Variants in KCNT2 observed in about 807,000 individuals in gnomAD.
KCNT2 encodes the protein potassium sodium-activated channel subfamily T member 2.
In KCNT2, 67 loss-of-function variants were observed where a neutral mutation model predicts 153.8. The observed-to-expected ratio is 0.44, with a 90% CI of 0.36 to 0.53. KCNT2 has a LOEUF of 0.53. Among genes scored for constraint, KCNT2 ranks in the 20% least tolerant of loss-of-function variants. The pLI, the probability that KCNT2 is intolerant of heterozygous loss-of-function variation, is 0.00. For missense variants in KCNT2, 975 were observed against 1,354.8 expected, an observed-to-expected ratio of 0.72 and a Z score of 4.40; for synonymous variants, 500 against 458.8, an observed-to-expected ratio of 1.09 and a Z score of -1.15.
intron 1 of KCNT2, among the ~76,000 whole-genome samples, chr1:196,493,051 C>T (rs1679975352): frequency 6.6e-6 from 1 of 152,080 alleles, no homozygotes; most frequent in Non-Finnish European, 1.5e-5. Flanking sequence ...TTAATAAATA[C>T]TCTAAATTCT....
intron 11 of KCNT2, among the ~76,000 whole-genome samples, chr1:196,424,629 C>T (rs938405387): frequency 6.6e-6 from 1 of 151,572 alleles, no homozygotes; most frequent in Non-Finnish European, 1.5e-5. Flanking sequence ...ATGTAATTTT[C>T]CAATTAGATA....
intron 21 of KCNT2, among the ~76,000 whole-genome samples, chr1:196,308,285 C>T (rs1661830186): frequency 6.6e-6 from 1 of 151,894 alleles, no homozygotes; most frequent in African/African-American, 2.4e-5. Context: ...TCTTGTGTTT[C>T]CATCTGTATC....
chr1:196,347,234 T>A lies in KCNT2; in HGVS notation c.1404-5006A>T, dbSNP rs994550681. 2.0e-5 allele frequency among the ~76,000 whole-genome samples: 3 copies of A among 152,184 alleles called. No individual in the cohort carries two copies. The South Asian group carries it at 6.2e-4, about 31-fold the overall frequency. ...TGCAGGACATTTTACATCCTATAGA[T>A]CTATCTAAAAATCATTAATTTGTCT... On this transcript the variant is annotated intron_variant, in intron 14 of 27. Coordinates refer to ENST00000294725, the MANE Select transcript of KCNT2 (RefSeq NM_198503.5).
chr1:196,292,532 C>A (rs1333687622), intron 22 of KCNT2, among the ~76,000 whole-genome samples: 1 of 152,174 alleles, frequency 6.6e-6, no homozygotes, highest in Non-Finnish European at 1.5e-5. Flanking sequence ...AGTGGCCGGG[C>A]GCAGTGGCTC....
intron 13 of KCNT2, among the ~76,000 whole-genome samples, chr1:196,374,615 A>C (rs574686432): frequency 1.3e-5 from 2 of 151,942 alleles, no homozygotes; most frequent in Admixed American, 1.3e-4. Flanking sequence ...GCTTTGCAGG[A>C]AAGGCAAGCA....
intron 8 of KCNT2, among the ~76,000 whole-genome samples, chr1:196,450,966 C>A (rs574582206): frequency 5.3e-5 from 8 of 151,842 alleles, no homozygotes; most frequent in African/African-American, 1.9e-4. Context: ...AGAGCAATTC[C>A]CTGAACACCC....
At chr1:196,261,671 G>T (rs1290195297) in intron 25 of KCNT2, among the ~76,000 whole-genome samples, 1 of 151,900 alleles carries the variant, frequency 6.6e-6, no homozygotes. Context: ...TGGCTGTAAA[G>T]ATTTCTTGGT....
At chr1:196,549,094 T>C (rs1470177609) in intron 1 of KCNT2, among the ~76,000 whole-genome samples, 1 of 152,064 alleles carries the variant, frequency 6.6e-6, no homozygotes, top group Non-Finnish European at 1.5e-5. Flanking sequence ...GCATGGCACA[T>C]GTATACATAT....
chr1:196,541,840 C>A (rs2148874768), intron 1 of KCNT2, among the ~76,000 whole-genome samples: 1 of 152,038 alleles, frequency 6.6e-6, no homozygotes, highest in Non-Finnish European at 1.5e-5. Flanking sequence ...TCCAATGCAC[C>A]ATTATATATT....
chr1:196,290,637 T>A lies in KCNT2; in HGVS notation c.2596-4879A>T, dbSNP rs185202143. ...CTGAGCTTCATTTATATATCACCAC[T>A]TATTTTTTTACTTATGTACTATAAT... On this transcript the variant is annotated intron_variant, in intron 22 of 27. Transcript: ENST00000294725. Among the ~76,000 whole-genome samples the A allele has an allele frequency of 1.6e-4, 25 of 151,898 alleles. 1 individual carries two copies. The highest frequency in any genetic ancestry group is 1.6e-3 in the Admixed American group (25 of 15,248).
At chr1:196,593,412 T>C (rs1663656098) in intron 1 of KCNT2, among the ~76,000 whole-genome samples, 1 of 151,622 alleles carries the variant, frequency 6.6e-6, no homozygotes, top group Non-Finnish European at 1.5e-5. Flanking sequence ...GCATTTGGGC[T>C]GATTCCAAAT....
chr1:196,277,246 T>C (rs533147299), intron 25 of KCNT2, among the ~76,000 whole-genome samples: 1 of 152,268 alleles, frequency 6.6e-6, no homozygotes, highest in Admixed American at 6.5e-5. Context: ...TTAGAGTAAA[T>C]GACTAATAAG....
At chr1:196,280,520 G>A (rs944273537) in intron 25 of KCNT2, among the ~76,000 whole-genome samples, 2 of 152,128 alleles carry the variant, frequency 1.3e-5, no homozygotes, top group Non-Finnish European at 2.9e-5. Flanking sequence ...CTTGCCCTGA[G>A]AACTTTTCTT....
chr1:196,532,186 C>T (rs1655031427), intron 1 of KCNT2, among the ~76,000 whole-genome samples: 1 of 152,132 alleles, frequency 6.6e-6, no homozygotes, highest in African/African-American at 2.4e-5. Context: ...GTCCATGAGA[C>T]ATCTTTTCAA....
chr1:196,340,467 T>C lies in KCNT2; in HGVS notation c.1657A>G (p.Ile553Val). Residue 553 changes from isoleucine (I) to valine (V), a missense_variant, in exon 16 of 28, where the codon ATT (isoleucine) becomes GTT (valine). This residue lies in a region of KCNT2 where 325 missense variants were observed against 388.1 expected (regional missense o/e 0.84). Transcript: ENST00000294725. ...IMNSTDICFY[I>V]NITKEENSAF... ...GAATTCTCTTCTTTGGTAATATTAA[T>C]ATAAAAGCATATGTCTGTAGAATTC... 3 of 1,611,316 alleles carry C rather than the reference T, an allele frequency of 1.9e-6. No individual in the cohort carries two copies. Among genetic ancestry groups the C allele is most frequent in the Non-Finnish European group, 2.5e-6 (3 of 1,177,984 alleles).
In KCNT2 at chr1:196,305,346, C is replaced by T; in HGVS notation, c.2484-1G>A. The T allele has an allele frequency of 6.5e-7, 1 of 1,534,272 alleles. No individual in the cohort carries two copies. The highest frequency in any genetic ancestry group is 9.0e-7 in the Non-Finnish European group (1 of 1,108,848). On this transcript the variant is annotated splice_acceptor_variant, in intron 21 of 27. Transcript: ENST00000294725. LOFTEE classifies it high-confidence loss of function. Reference sequence around the variant, plus strand: ...GATAATACTGAGACTGGAAAACAACCTACATTTCAAAAGAACATTTGCATT... The same window carrying T: ...GATAATACTGAGACTGGAAAACAACTTACATTTCAAAAGAACATTTGCATT...
intron 5 of KCNT2, among the ~76,000 whole-genome samples, chr1:196,478,124 G>T (rs1198859932): frequency 6.6e-6 from 1 of 152,148 alleles, no homozygotes; most frequent in Non-Finnish European, 1.5e-5. Context: ...CTATTAGAAT[G>T]CTATGAATTT....
intron 8 of KCNT2, among the ~76,000 whole-genome samples, chr1:196,430,336 A>G (rs1674030298): frequency 6.6e-6 from 1 of 151,932 alleles, no homozygotes; most frequent in Non-Finnish European, 1.5e-5. Context: ...ACATGAATGA[A>G]CTAATGTTGG....
chr1:196,337,768 A>C (rs1021035845), intron 16 of KCNT2, among the ~76,000 whole-genome samples: 5 of 152,210 alleles, frequency 3.3e-5, no homozygotes, highest in East Asian at 1.9e-4. Flanking sequence ...TGCTCCTCCC[A>C]AAAATTAATT....
Sources: gnomAD v4.1 joint callset for allele counts (sites outside exome capture counted in the v4.1 genomes callset) on GRCh38, gnomAD v4.1.1 for gene constraint, gnomAD v4.1.1 regional missense constraint, MANE v1.5 for transcripts, NCBI Gene and HGNC (gene_info 2026-07-23, HGNC 2026-07-21) for gene names.